NEDD4L: variants seen among roughly 807,000 people sequenced by gnomAD.
NEDD4L encodes the protein E3 ubiquitin-protein ligase NEDD4-like.
NEDD4L carries 54 observed loss-of-function variants against 148.9 expected under a neutral mutation model. That is an observed-to-expected ratio of 0.36 (90% CI 0.29 to 0.45). The LOEUF is 0.45. NEDD4L is among the 20% of genes least tolerant of loss of function. The probability of loss-of-function intolerance (pLI) is 1.00; values close to 1 mark genes in which losing one functional copy is unlikely to be tolerated. For synonymous variants in NEDD4L, 433 were observed against 440.7 expected (o/e 0.98, Z 0.22); for missense variants, 856 against 1,233.8 (o/e 0.69, Z 4.59).
intron 5 of NEDD4L, among the ~76,000 whole-genome samples, chr18:58,285,221 A>T (rs1348290362): frequency 6.6e-6 from 1 of 152,126 alleles, no homozygotes; most frequent in Non-Finnish European, 1.5e-5. Flanking sequence ...CTGGTGCTGG[A>T]AGCCTAAGGA....
At position 58,282,026 on chromosome 18, in the gene NEDD4L, C is replaced by CA. The variant is rs1047979723; in HGVS notation, c.297+29983dup. On this transcript the variant is annotated intron_variant, in intron 5 of 30. Transcript: ENST00000400345. Reference sequence around the variant, plus strand: ...GGCGACAGAGTGAGACTCCGTCTCACAAAAAAAAAAAGCAAACAAAATAAC... The same window carrying CA: ...GGCGACAGAGTGAGACTCCGTCTCACAAAAAAAAAAAAGCAAACAAAATAAC... Among the ~76,000 whole-genome samples the CA allele has an allele frequency of 9.2e-4, 90 of 98,220 alleles. No individual in the cohort carries two copies. In the South Asian group the frequency reaches 0.012, roughly 14 times the overall value. The allele number at this position is 98,220 out of a possible 152,430, so 64.4% of individuals were successfully genotyped here.
Position 58,044,611 on chromosome 18 carries a change from G to C in NEDD4L, c.-50G>C. ...GAGGGGAGAACCGGCCGTCCGCGCC[G>C]CAGCACAGCCGCTGGGAGCGCCTCA... is the stretch of plus-strand genomic sequence containing the variant. On this transcript the variant is annotated 5_prime_UTR_variant, in exon 1 of 31. Coordinates refer to ENST00000400345, the MANE Select transcript of NEDD4L (RefSeq NM_001144967.3). 6.4e-7 allele frequency: 1 copy of C among 1,553,194 alleles called. No individual in the cohort carries two copies. Among genetic ancestry groups the C allele is most frequent in the Non-Finnish European group, 8.7e-7 (1 of 1,150,686 alleles).
chr18:58,350,300 G>A (rs774508643), intron 17 of NEDD4L, among the ~76,000 whole-genome samples: 3 of 152,124 alleles, frequency 2.0e-5, no homozygotes, highest in East Asian at 3.8e-4. Flanking sequence ...TGGAGGCTGC[G>A]AAGGTTAAGG....
At chr18:58,211,934 A>C (rs981172176) in intron 2 of NEDD4L, among the ~76,000 whole-genome samples, 15 of 152,214 alleles carry the variant, frequency 9.9e-5, no homozygotes, top group African/African-American at 3.4e-4. Context: ...TTGGGGGAAC[A>C]GCACAGACCT....
chr18:58,311,525 TC>T (rs2057697293), intron 5 of NEDD4L, among the ~76,000 whole-genome samples: 1 of 152,184 alleles, frequency 6.6e-6, no homozygotes, highest in African/African-American at 2.4e-5. Flanking sequence ...TTAATACTTT[TC>T]TTCTGCACAG....
chr18:58,074,963 G>A (rs573717769), intron 1 of NEDD4L, among the ~76,000 whole-genome samples: 71 of 152,286 alleles, frequency 4.7e-4, no homozygotes, highest in African/African-American at 1.7e-3. Flanking sequence ...TGTGAGAGAA[G>A]CTTCTCCATA....
intron 16 of NEDD4L, 42 bp downstream of exon 16, chr18:58,343,145 G>A (rs2042628952): frequency 6.6e-7 from 1 of 1,510,248 alleles, no homozygotes. Context: ...TCATCATGAA[G>A]TCTGGCATTA....
chr18:58,183,880 A>T (rs1387810266), intron 2 of NEDD4L, among the ~76,000 whole-genome samples: 1 of 152,180 alleles, frequency 6.6e-6, no homozygotes, highest in Non-Finnish European at 1.5e-5. Context: ...CGCTGTTAAG[A>T]CTTCTAAGGC....
chr18:58,228,988 A>C (rs292448), intron 2 of NEDD4L, among the ~76,000 whole-genome samples: 70,545 of 152,026 alleles, frequency 0.46, 18,436 homozygotes, highest in East Asian at 0.74. Context: ...GCGGCTCACA[A>C]CTACCCAATC....
At chr18:58,068,061 G>C (rs1311393133) in intron 1 of NEDD4L, among the ~76,000 whole-genome samples, 2 of 151,900 alleles carry the variant, frequency 1.3e-5, no homozygotes, top group Admixed American at 1.3e-4. Context: ...CTAGGCTCAA[G>C]CAATCCTCCT....
chr18:58,084,677 G>T (rs1483088241), intron 1 of NEDD4L, among the ~76,000 whole-genome samples: 1 of 145,546 alleles, frequency 6.9e-6, no homozygotes, highest in African/African-American at 2.5e-5. Flanking sequence ...GTTTTTGTGT[G>T]TGTGTGTGTG....
chr18:58,067,468 T>C (rs893257685), intron 1 of NEDD4L, among the ~76,000 whole-genome samples: 4 of 152,132 alleles, frequency 2.6e-5, no homozygotes, highest in Non-Finnish European at 5.9e-5. Flanking sequence ...ATTTTCTGCT[T>C]AAAGCAATGG....
rs184691953 is a variant in NEDD4L, at chr18:58,145,896, C to T, written c.49-19892C>T. ...GTCAGTCAGGTGATTGAAAAATGTA[C>T]ATTTTTTTAAAATTGGCATTTATTA... On this transcript the variant is annotated intron_variant, in intron 1 of 30. Transcript: ENST00000400345. Among the ~76,000 whole-genome samples, 285 of 136,096 alleles carry T rather than the reference C, an allele frequency of 2.1e-3. 1 individual carries two copies. Among genetic ancestry groups the T allele is most frequent in the African/African-American group, 6.9e-3 (271 of 39,450 alleles). The allele number at this position is 136,096 out of a possible 152,430, so 89.3% of individuals were successfully genotyped here.
At chr18:58,072,231 T>G (rs538097772) in intron 1 of NEDD4L, among the ~76,000 whole-genome samples, 1 of 152,250 alleles carries the variant, frequency 6.6e-6, no homozygotes, top group East Asian at 1.9e-4. Context: ...TTTCAAAATT[T>G]TATAATTAAC....
At chr18:58,377,585 T>C (rs2047726987) in intron 24 of NEDD4L, among the ~76,000 whole-genome samples, 4 of 152,176 alleles carry the variant, frequency 2.6e-5, no homozygotes, top group Admixed American at 2.6e-4. Context: ...GTTTGAACTA[T>C]GATCCTGTGC....
chr18:58,154,647 C>T (rs1254643942), intron 1 of NEDD4L, among the ~76,000 whole-genome samples: 3 of 152,212 alleles, frequency 2.0e-5, no homozygotes, highest in East Asian at 3.9e-4. Flanking sequence ...ATTAGCCAGA[C>T]GTGATGGCAG....
At chr18:58,059,477 T>A (rs376880700) in intron 1 of NEDD4L, among the ~76,000 whole-genome samples, 22 of 152,272 alleles carry the variant, frequency 1.4e-4, no homozygotes, top group East Asian at 1.2e-3. Flanking sequence ...AACCAATGTT[T>A]CTTTTGTGAC....
At chr18:58,391,595 T>C (rs1273752036) in intron 30 of NEDD4L, 36 bp downstream of exon 30, 2 of 1,413,544 alleles carry the variant, frequency 1.4e-6, no homozygotes, top group African/African-American at 1.4e-5. Context: ...CAATGCAATA[T>C]CTGAACTGCT....
At chr18:58,173,251 G>A (rs1396394452) in intron 2 of NEDD4L, among the ~76,000 whole-genome samples, 1 of 152,096 alleles carries the variant, frequency 6.6e-6, no homozygotes, top group South Asian at 2.1e-4. Context: ...CTTCATTTGA[G>A]CTTACCTAGG....
Sources: allele counts gnomAD v4.1 joint callset (sites outside exome capture counted in the v4.1 genomes callset), GRCh38; gene constraint gnomAD v4.1.1; transcripts MANE v1.5; gene names NCBI Gene and HGNC (gene_info 2026-07-23, HGNC 2026-07-21).